Variants in DACH2 observed in about 807,000 individuals in gnomAD.
DACH2 encodes the protein dachshund family transcription factor 2.
DACH2 carries 17 observed loss-of-function variants against 35.8 expected under a neutral mutation model. The ratio of observed to expected loss-of-function variants is 0.48; its 90% CI spans 0.33 to 0.71. The LOEUF is 0.71. DACH2 is among the 30% of genes least tolerant of loss of function. DACH2 has a pLI of 0.02. For synonymous variants in DACH2, 195 were observed against 177.3 expected (o/e 1.10, Z -0.79); for missense variants, 469 against 472.7 (o/e 0.99, Z 0.07).
In DACH2 at chrX:86,478,856, C is replaced by T. The variant is rs148910664; in HGVS notation, c.528-35423C>T. ...AGTGTGCTCTTTCAGCTTAGCCATC[C>T]GCAGGCAGCTTGTGTTAATCAGCTC... On this transcript the variant is annotated intron_variant, in intron 2 of 11. Transcript: ENST00000373125. 3.1e-4 allele frequency among the ~76,000 whole-genome samples: 34 copies of T among 111,009 alleles called. No individual in the cohort carries two copies. In the East Asian group the frequency reaches 8.8e-3, roughly 29 times the overall value.
chrX:86,363,949 C>A (rs775359288), intron 1 of DACH2, among the ~76,000 whole-genome samples: 1 of 111,054 alleles, frequency 9.0e-6, no homozygotes, highest in Non-Finnish European at 1.9e-5. Flanking sequence ...TATTTTTTGG[C>A]TTTATCACTT....
At chrX:86,797,862 A>G (rs1307722233) in intron 7 of DACH2, among the ~76,000 whole-genome samples, 1 of 111,719 alleles carries the variant, frequency 9.0e-6, no homozygotes, top group Non-Finnish European at 1.9e-5. Flanking sequence ...AAAGTGTATC[A>G]CATGTCTTAA....
intron 1 of DACH2, among the ~76,000 whole-genome samples, chrX:86,324,769 G>C (rs1279473367): frequency 9.3e-6 from 1 of 107,976 alleles, no homozygotes; most frequent in Non-Finnish European, 1.9e-5. Flanking sequence ...AGTAGAAATG[G>C]GGTTTCACTG....
intron 1 of DACH2, among the ~76,000 whole-genome samples, chrX:86,212,232 T>G (rs1238288804): frequency 1.8e-5 from 2 of 111,810 alleles, no homozygotes; most frequent in African/African-American, 6.5e-5. Context: ...TTCTGCAAAA[T>G]TATTATACAA....
At chrX:86,455,373 G>T (rs776186103) in intron 2 of DACH2, among the ~76,000 whole-genome samples, 6 of 111,394 alleles carry the variant, frequency 5.4e-5, no homozygotes, top group Non-Finnish European at 9.4e-5. Flanking sequence ...TCCAAAGCTC[G>T]CAAAATAGAA....
chrX:86,203,748 A>T (rs2032213367), intron 1 of DACH2, among the ~76,000 whole-genome samples: 2 of 111,884 alleles, frequency 1.8e-5, no homozygotes, highest in Admixed American at 1.9e-4. Context: ...ATGATTTTCT[A>T]ACAGGCTCCT....
intron 3 of DACH2, among the ~76,000 whole-genome samples, chrX:86,617,950 T>C (rs931981761): frequency 9.8e-5 from 11 of 112,414 alleles, no homozygotes; most frequent in African/African-American, 2.9e-4. Flanking sequence ...CTTTTAAGAT[T>C]ATGATGAGAA....
intron 1 of DACH2, among the ~76,000 whole-genome samples, chrX:86,195,137 C>T (rs892695829): frequency 1.8e-5 from 2 of 112,548 alleles, no homozygotes; most frequent in African/African-American, 6.4e-5. Context: ...CGTGTACAGG[C>T]GGGTTTTGGT....
intron 3 of DACH2, among the ~76,000 whole-genome samples, chrX:86,612,974 A>C (rs774401273): frequency 8.9e-6 from 1 of 112,483 alleles, no homozygotes; most frequent in Admixed American, 9.4e-5. Flanking sequence ...AATACTTACT[A>C]TCAGGAAATT....
At chrX:86,279,054 T>C (rs922972599) in intron 1 of DACH2, among the ~76,000 whole-genome samples, 2 of 112,039 alleles carry the variant, frequency 1.8e-5, no homozygotes, top group Non-Finnish European at 1.9e-5. Flanking sequence ...CAGGGGCTTA[T>C]AGATAAAACT....
chrX:86,399,323 G>A (rs767671273), intron 2 of DACH2, among the ~76,000 whole-genome samples: 1 of 111,671 alleles, frequency 9.0e-6, no homozygotes, highest in Admixed American at 9.5e-5. Context: ...GATGGGTCTT[G>A]ACTCTTTATC....
chrX:86,769,723 G>A (rs188875731), intron 7 of DACH2, among the ~76,000 whole-genome samples: 25 of 111,079 alleles, frequency 2.3e-4, no homozygotes, highest in African/African-American at 7.2e-4. Flanking sequence ...TATATTCTTC[G>A]CAATGTCAGA....
intron 3 of DACH2, among the ~76,000 whole-genome samples, chrX:86,622,158 G>GA (rs201749887): frequency 1.8e-5 from 2 of 110,409 alleles, no homozygotes; most frequent in Non-Finnish European, 3.8e-5. Flanking sequence ...AAAACCTCAA[G>GA]AAAAAAAAGA....
At chrX:86,546,357 C>CTCTTCTTCTTCTTCTTCTTCTTGT (rs2038959811) in intron 3 of DACH2, among the ~76,000 whole-genome samples, 2 of 50,073 alleles carry the variant, frequency 4.0e-5, no homozygotes, top group African/African-American at 2.1e-4. Flanking sequence ...CTTCTTCTTC[C>CTCTTCTTCTTCTTCTTCTTCTTGT]TCTTCTTCTT....
chrX:86,276,037 C>T (rs888380659), intron 1 of DACH2, among the ~76,000 whole-genome samples: 2 of 112,262 alleles, frequency 1.8e-5, no homozygotes, highest in Middle Eastern at 4.6e-3. Flanking sequence ...TGTATCTCTT[C>T]GATATACTGA....
intron 3 of DACH2, among the ~76,000 whole-genome samples, chrX:86,643,403 G>A (rs56656183): frequency 0.23 from 24,878 of 109,129 alleles, 2,686 homozygotes; most frequent in East Asian, 0.47. Context: ...AACCTCCCAA[G>A]GCTGAGCCTG....
intron 1 of DACH2, among the ~76,000 whole-genome samples, chrX:86,297,043 GTATATATATA>G (rs35078642): frequency 6.6e-4 from 59 of 89,931 alleles, no homozygotes; most frequent in African/African-American, 2.4e-3. Flanking sequence ...ATATAATTGT[GTATATATATA>G]TATATATATA....
intron 11 of DACH2, among the ~76,000 whole-genome samples, chrX:86,823,832 C>T (rs2147365524): frequency 9.0e-6 from 1 of 110,659 alleles, no homozygotes; most frequent in Admixed American, 9.7e-5. Flanking sequence ...GGAGGGGGTG[C>T]AAGAACAGGG....
intron 1 of DACH2, among the ~76,000 whole-genome samples, chrX:86,167,673 G>A (rs182474394): frequency 2.7e-5 from 3 of 110,518 alleles, no homozygotes; most frequent in Non-Finnish European, 3.8e-5. Flanking sequence ...TTTGATGTAC[G>A]CACTTACAGC....
Sources: gnomAD v4.1 joint callset for allele counts (sites outside exome capture counted in the v4.1 genomes callset) on GRCh38, gnomAD v4.1.1 for gene constraint, MANE v1.5 for transcripts, NCBI Gene and HGNC (gene_info 2026-07-23, HGNC 2026-07-21) for gene names.